Variants in SDK1 observed in about 807,000 individuals in gnomAD.
The protein encoded by SDK1 is sidekick cell adhesion molecule 1, also known as protein sidekick-1.
SDK1 carries 157 observed loss-of-function variants against 245.5 expected under a neutral mutation model. The observed-to-expected ratio is 0.64, with a 90% CI of 0.56 to 0.73. The LOEUF is 0.73. SDK1 is among the 30% of genes least tolerant of loss of function. SDK1 has a pLI of 0.00. For missense variants in SDK1, 3,583 were observed against 3,002.3 expected (o/e 1.19, Z -4.52); for synonymous variants, 1,647 against 1,278.5 (o/e 1.29, Z -6.15).
At chr7:3,461,604 C>G (rs1780833360) in intron 1 of SDK1, among the ~76,000 whole-genome samples, 1 of 152,142 alleles carries the variant, frequency 6.6e-6, no homozygotes, top group African/African-American at 2.4e-5. Context: ...AGTTGTGTGA[C>G]TTTGGTCATT....
At chr7:3,836,858 A>G (rs1364951003) in intron 5 of SDK1, among the ~76,000 whole-genome samples, 1 of 152,152 alleles carries the variant, frequency 6.6e-6, no homozygotes, top group Non-Finnish European at 1.5e-5. Context: ...CTGGAAGTCC[A>G]AGATGAAACC....
chr7:3,565,262 T>C (rs1779874937), intron 1 of SDK1, among the ~76,000 whole-genome samples: 2 of 152,120 alleles, frequency 1.3e-5, no homozygotes, highest in Non-Finnish European at 2.9e-5. Context: ...TGATAAAGCA[T>C]CTAAATTGCA....
chr7:3,625,235 A>G (rs1268307897), intron 2 of SDK1, among the ~76,000 whole-genome samples: 1 of 152,226 alleles, frequency 6.6e-6, no homozygotes, highest in Admixed American at 6.5e-5. Context: ...ACCAGGAGAA[A>G]GTACAAAAGC....
intron 4 of SDK1, among the ~76,000 whole-genome samples, chr7:3,712,669 C>T (rs983693866): frequency 1.2e-4 from 19 of 152,128 alleles, no homozygotes; most frequent in African/African-American, 4.3e-4. Context: ...CTTCCTGAAG[C>T]GCATGGCAGT....
chr7:3,580,903 A>C (rs989192053), intron 1 of SDK1, among the ~76,000 whole-genome samples: 2 of 140,314 alleles, frequency 1.4e-5, no homozygotes, highest in African/African-American at 2.6e-5. Flanking sequence ...AGGAGGCAGA[A>C]GTTGCAGATG....
chr7:3,885,681 T>C (rs1781321279), intron 5 of SDK1, among the ~76,000 whole-genome samples: 1 of 152,160 alleles, frequency 6.6e-6, no homozygotes, highest in South Asian at 2.1e-4. Flanking sequence ...TTTCAATAAA[T>C]AGGTTAGATG....
At position 3,577,389 on chromosome 7, in the gene SDK1, G is replaced by C. The variant is rs114908709; in HGVS notation, c.299-41691G>C. Among the ~76,000 whole-genome samples, 639 of 152,170 alleles carry C rather than the reference G, an allele frequency of 4.2e-3. 8 individuals are homozygous for C. Among genetic ancestry groups the C allele is most frequent in the African/African-American group, 0.014 (595 of 41,546 alleles). Reference sequence around the variant, plus strand: ...TTACGGCCTGAGCGTCATAGCATCAGAGTGGCCCATGATGTCTGACCATGC... The same window carrying C: ...TTACGGCCTGAGCGTCATAGCATCACAGTGGCCCATGATGTCTGACCATGC... On this transcript the variant is annotated intron_variant, in intron 1 of 44. Coordinates refer to ENST00000404826, the MANE Select transcript of SDK1 (RefSeq NM_152744.4).
intron 1 of SDK1, among the ~76,000 whole-genome samples, chr7:3,419,334 T>A (rs1779470956): frequency 6.6e-6 from 1 of 152,188 alleles, no homozygotes; most frequent in South Asian, 2.1e-4. Context: ...CTGTGGCCAC[T>A]TGATGATAAA....
intron 1 of SDK1, among the ~76,000 whole-genome samples, chr7:3,612,906 A>AC (rs1583226888): frequency 1.3e-5 from 2 of 151,086 alleles, no homozygotes; most frequent in Non-Finnish European, 3.0e-5. Flanking sequence ...TTCACAGACT[A>AC]CCCCCCACCC....
At chr7:3,334,007 C>T (rs1583697380) in intron 1 of SDK1, among the ~76,000 whole-genome samples, 2 of 152,202 alleles carry the variant, frequency 1.3e-5, no homozygotes, top group South Asian at 2.1e-4. Context: ...AAAGTGGCTA[C>T]ATCACACTTA....
At chr7:3,502,472 A>C (rs1039263252) in intron 1 of SDK1, among the ~76,000 whole-genome samples, 6 of 151,546 alleles carry the variant, frequency 4.0e-5, no homozygotes, top group African/African-American at 1.5e-4. Context: ...CTGATCTTGA[A>C]CTCCTGACCT....
chr7:4,259,837 C>T (rs939811744), intron 44 of SDK1, among the ~76,000 whole-genome samples: 2 of 152,188 alleles, frequency 1.3e-5, no homozygotes, highest in Non-Finnish European at 2.9e-5. Context: ...GAGGAAGTTA[C>T]AGGATCTGCG....
intron 5 of SDK1, among the ~76,000 whole-genome samples, chr7:3,930,676 C>T (rs996970888): frequency 2.6e-5 from 4 of 152,112 alleles, no homozygotes; most frequent in African/African-American, 9.7e-5. Flanking sequence ...ACCTGTAATC[C>T]CAGCTACTTG....
At chr7:3,338,453 A>T (rs1194549229) in intron 1 of SDK1, 2 of 521,232 alleles carry the variant, frequency 3.8e-6, no homozygotes, top group Admixed American at 4.4e-5. Flanking sequence ...CATGTGAAGG[A>T]AAATGATCAG....
intron 1 of SDK1, among the ~76,000 whole-genome samples, chr7:3,556,076 C>G (rs1779577798): frequency 6.6e-6 from 1 of 152,072 alleles, no homozygotes. Context: ...GTATATATGC[C>G]AAAGAAAGGA....
intron 4 of SDK1, among the ~76,000 whole-genome samples, chr7:3,793,197 G>T (rs1387744197): frequency 1.3e-5 from 2 of 152,054 alleles, no homozygotes; most frequent in African/African-American, 4.8e-5. Context: ...ATTTTGGTCT[G>T]TTTCCGTAAA....
At chr7:4,074,886 G>GTATATATA (rs1240017364) in intron 20 of SDK1, among the ~76,000 whole-genome samples, 67 of 48,108 alleles carry the variant, frequency 1.4e-3, no homozygotes, top group Non-Finnish European at 1.6e-3. Context: ...CTCTCTCTCT[G>GTATATATA]TATATATATA....
intron 16 of SDK1, among the ~76,000 whole-genome samples, chr7:4,012,873 G>C (rs1786103399): frequency 6.6e-6 from 1 of 151,978 alleles, no homozygotes; most frequent in African/African-American, 2.4e-5. Flanking sequence ...CACTGCACCT[G>C]GCCTCATTGT....
intron 1 of SDK1, among the ~76,000 whole-genome samples, chr7:3,528,618 A>G (rs1783233874): frequency 6.6e-6 from 1 of 152,114 alleles, no homozygotes; most frequent in Admixed American, 6.5e-5. Context: ...TCTCATAACA[A>G]TCTTTGTAAG....
Sources: gnomAD v4.1 joint callset for allele counts (sites outside exome capture counted in the v4.1 genomes callset) on GRCh38, gnomAD v4.1.1 for gene constraint, MANE v1.5 for transcripts, NCBI Gene and HGNC (gene_info 2026-07-23, HGNC 2026-07-21) for gene names.